The following GCH1 variants were observed in gnomAD, a reference collection of about 807,000 sequenced individuals.
GCH1 encodes the protein GTP cyclohydrolase I.
In GCH1, 5 loss-of-function variants were observed where a neutral mutation model predicts 25.9. The ratio of observed to expected loss-of-function variants is 0.19; its 90% CI spans 0.10 to 0.41. The LOEUF (loss-of-function observed/expected upper bound fraction) is 0.41, where lower values mean the gene tolerates loss of function less well. Among genes scored for constraint, GCH1 ranks in the 10% least tolerant of loss-of-function variants. GCH1 has a pLI of 1.00. For synonymous variants in GCH1, 159 were observed against 129.6 expected, an observed-to-expected ratio of 1.23 and a Z score of -1.54; for missense variants, 261 against 336.5, an observed-to-expected ratio of 0.78 and a Z score of 1.75.
At chr14:54,881,454 G>GA (rs966285432) in intron 1 of GCH1, among the ~76,000 whole-genome samples, 18 of 151,078 alleles carry the variant, frequency 1.2e-4, no homozygotes, top group African/African-American at 2.7e-4. Flanking sequence ...ATTCAAAGAG[G>GA]AAAAAAAAAT....
At chr14:54,869,946 A>T (rs2140081610) in intron 1 of GCH1, among the ~76,000 whole-genome samples, 1 of 152,334 alleles carries the variant, frequency 6.6e-6, no homozygotes, top group Non-Finnish European at 1.5e-5. Context: ...CATACACAGA[A>T]GAGACTACCT....
At chr14:54,889,819 A>G (rs182632219) in intron 1 of GCH1, among the ~76,000 whole-genome samples, 10 of 152,336 alleles carry the variant, frequency 6.6e-5, no homozygotes, top group Admixed American at 5.2e-4. Flanking sequence ...GGTTTCTCAG[A>G]TTAACTGTGC....
At chr14:54,869,503 G>A (rs538433203) in intron 1 of GCH1, among the ~76,000 whole-genome samples, 9 of 151,660 alleles carry the variant, frequency 5.9e-5, no homozygotes, top group East Asian at 2.0e-4. Context: ...TTTTTGAAAC[G>A]AAGTTTTGCC....
intron 1 of GCH1, among the ~76,000 whole-genome samples, chr14:54,878,722 TC>T (rs1202064306): frequency 6.6e-6 from 1 of 152,186 alleles, no homozygotes; most frequent in Non-Finnish European, 1.5e-5. Context: ...ACATAGATCT[TC>T]TGTGTTTATT....
intron 3 of GCH1, chr14:54,859,335 A>G (rs1287570031): frequency 3.2e-6 from 1 of 310,648 alleles, no homozygotes; most frequent in African/African-American, 2.1e-5. Flanking sequence ...CTTCTTCCCC[A>G]ACCCCTCACT....
intron 1 of GCH1, chr14:54,878,127 A>C (rs1595004312): frequency 6.5e-6 from 1 of 154,942 alleles, no homozygotes; most frequent in African/African-American, 2.4e-5. Flanking sequence ...AAAGGTAAGA[A>C]GAAACTCCAG....
intron 1 of GCH1, among the ~76,000 whole-genome samples, chr14:54,876,464 C>T (rs536671175): frequency 6.6e-6 from 1 of 151,770 alleles, no homozygotes; most frequent in South Asian, 2.1e-4. Flanking sequence ...GCACATTGTG[C>T]ACATGTACCC....
Position 54,843,651 on chromosome 14 carries a change from A to G in GCH1, c.*366T>C, listed in dbSNP as rs1594967895. 3.8e-6 allele frequency: 6 copies of G among 1,558,732 alleles called. No homozygotes were observed. Among genetic ancestry groups the G allele is most frequent in the South Asian group, 3.7e-5 (3 of 81,086 alleles). On this transcript the variant is annotated 3_prime_UTR_variant, in exon 6 of 6. Coordinates refer to ENST00000491895, the MANE Select transcript of GCH1 (RefSeq NM_000161.3). The stretch of plus-strand genomic sequence containing the variant: ...AGAAAAAAAACAGTATACTGGGCAC[A>G]GTTCCCTCTCATTCCCAATGCTCCT...
At position 54,846,260 on chromosome 14, in the gene GCH1, G is replaced by A. The variant is rs1231321758; in HGVS notation, c.542-408C>T. 2.0e-5 allele frequency among the ~76,000 whole-genome samples: 3 copies of A among 152,210 alleles called. No homozygotes were observed. In the East Asian group the frequency reaches 5.8e-4, roughly 29 times the overall value. ...GTCCAATTATTGAATTGTGCTTAGA[G>A]CAATGTTGAAAACCAACAATTTAAC... On this transcript the variant is annotated intron_variant, in intron 4 of 5. Transcript: ENST00000491895.
At chr14:54,890,152 T>C (rs544779834) in intron 1 of GCH1, among the ~76,000 whole-genome samples, 1 of 152,192 alleles carries the variant, frequency 6.6e-6, no homozygotes, top group South Asian at 2.1e-4. Context: ...TGTCAGAACT[T>C]TGTGAGCATG....
chr14:54,870,882 C>A (rs2040065191), intron 1 of GCH1, among the ~76,000 whole-genome samples: 1 of 152,206 alleles, frequency 6.6e-6, no homozygotes, highest in African/African-American at 2.4e-5. Flanking sequence ...CACCGCAGCT[C>A]AAGGAGCCCT....
intron 1 of GCH1, among the ~76,000 whole-genome samples, chr14:54,869,205 A>C (rs545165300): frequency 9.9e-4 from 150 of 150,828 alleles, no homozygotes; most frequent in African/African-American, 3.5e-3. Flanking sequence ...AACTCAGCTA[A>C]TTTTTTTGTA....
chr14:54,886,038 G>A (rs1406679056), intron 1 of GCH1: 1 of 223,498 alleles, frequency 4.5e-6, no homozygotes, highest in African/African-American at 2.3e-5. Flanking sequence ...TCAAACCCTA[G>A]TGGTACTTGT....
At chr14:54,892,032 C>A (rs987705447) in intron 1 of GCH1, among the ~76,000 whole-genome samples, 2 of 152,182 alleles carry the variant, frequency 1.3e-5, no homozygotes, top group Non-Finnish European at 2.9e-5. Context: ...TGAACAAAAT[C>A]ATTACGCTGA....
intron 2 of GCH1, among the ~76,000 whole-genome samples, chr14:54,864,195 C>T (rs2039959885): frequency 6.6e-6 from 1 of 152,014 alleles, no homozygotes; most frequent in Non-Finnish European, 1.5e-5. Flanking sequence ...TGGTAAGGAA[C>T]ACCCTTAAGT....
In GCH1 at chr14:54,902,592, C is replaced by A. The variant is rs1206554765; in HGVS notation, c.72G>T (p.Glu24Asp). 1 of 1,499,034 alleles carries A rather than the reference C, an allele frequency of 6.7e-7. No individual in the cohort carries two copies. The highest frequency in any genetic ancestry group is 1.5e-5 in the African/African-American group (1 of 68,450). 92.9% of individuals were successfully genotyped at this position (1,499,034 alleles called of 1,614,324 possible). Residue 24 changes from glutamate (E) to aspartate (D), a missense_variant, in exon 1 of 6, where the codon GAG (glutamate) becomes GAT (aspartate). Physicochemically the swap from Glu to Asp is conservative, Grantham distance 45. Around this residue, in one of 3 missense-constraint regions of GCH1, gnomAD observed 125 missense variants for 128.7 expected, o/e 0.97. Coordinates refer to ENST00000491895, the MANE Select transcript of GCH1 (RefSeq NM_000161.3). Reference protein sequence around the residue: ...RGARCSNGFPERDPPRPGPSR... With the variant: ...RGARCSNGFPDRDPPRPGPSR... Reference sequence around the variant, plus strand: ...TGGGCCCGGGCCGCGGCGGATCCCGCTCGGGGAACCCATTGCTGCACCTGG... The same window carrying A: ...TGGGCCCGGGCCGCGGCGGATCCCGATCGGGGAACCCATTGCTGCACCTGG...
chr14:54,884,790 C>CAAA (rs1196225675), intron 1 of GCH1: 13,748 of 135,802 alleles, frequency 0.1, 1,080 homozygotes, highest in East Asian at 0.38. Context: ...ACAACAACAA[C>CAAA]AACAACAACA....
At chr14:54,885,761 C>T (rs544503953) in intron 1 of GCH1, among the ~76,000 whole-genome samples, 2 of 152,278 alleles carry the variant, frequency 1.3e-5, no homozygotes, top group East Asian at 3.9e-4. Context: ...CGGTGGAATG[C>T]GCCTGTAGTC....
rs776957978 is a variant in GCH1, at chr14:54,843,015, T to C, written c.*1002A>G. 8.5e-6 allele frequency: 7 copies of C among 823,596 alleles called. No homozygotes were observed. Among genetic ancestry groups the C allele is most frequent in the Non-Finnish European group, 1.5e-5 (7 of 459,774 alleles). 51.0% of individuals were successfully genotyped at this position (823,596 alleles called of 1,614,324 possible). ...AATGTCTTCCACCGTCAGTTCATTC[T>C]GTGCTCGTTCAGGTGCGTGGAAGCT... On this transcript the variant is annotated 3_prime_UTR_variant, in exon 6 of 6. Coordinates refer to ENST00000491895, the MANE Select transcript of GCH1 (RefSeq NM_000161.3).
Sources: gnomAD v4.1 joint callset for allele counts (sites outside exome capture counted in the v4.1 genomes callset) on GRCh38, gnomAD v4.1.1 for gene constraint, gnomAD v4.1.1 regional missense constraint, MANE v1.5 for transcripts, NCBI Gene and HGNC (gene_info 2026-07-23, HGNC 2026-07-21) for gene names.